The following CNTNAP2 variants were observed in gnomAD, a reference collection of about 807,000 sequenced individuals.
The protein encoded by CNTNAP2 is contactin associated protein 2.
CNTNAP2 carries 98 observed loss-of-function variants against 155.2 expected under a neutral mutation model. The observed-to-expected ratio is 0.63, with a 90% confidence interval of 0.54 to 0.75. The LOEUF (loss-of-function observed/expected upper bound fraction) is 0.75, where lower values mean the gene tolerates loss of function less well. Among genes scored for constraint, CNTNAP2 ranks in the 30% least tolerant of loss-of-function variants. The probability of loss-of-function intolerance (pLI) is 0.00; values close to 1 mark genes in which losing one functional copy is unlikely to be tolerated. For synonymous variants in CNTNAP2, 651 were observed against 631.2 expected, an observed-to-expected ratio of 1.03 and a Z score of -0.47; for missense variants, 1,727 against 1,688.1, an observed-to-expected ratio of 1.02 and a Z score of -0.40.
At chr7:147,610,547 A>G (rs1047514045) in intron 12 of CNTNAP2, among the ~76,000 whole-genome samples, 1 of 152,150 alleles carries the variant, frequency 6.6e-6, no homozygotes, top group African/African-American at 2.4e-5. Context: ...AGTTCCCTCA[A>G]AGGTAAAATG....
chr7:147,793,448 TC>T (rs1319292824), intron 13 of CNTNAP2, among the ~76,000 whole-genome samples: 1 of 152,090 alleles, frequency 6.6e-6, no homozygotes, highest in Non-Finnish European at 1.5e-5. Context: ...TACTGCTTTT[TC>T]CCCATTGAAT....
intron 3 of CNTNAP2, among the ~76,000 whole-genome samples, chr7:146,924,283 T>C (rs1233936989): frequency 6.6e-6 from 1 of 152,160 alleles, no homozygotes; most frequent in African/African-American, 2.4e-5. Flanking sequence ...AAGTTGATCC[T>C]GGTGTCTAGA....
intron 3 of CNTNAP2, among the ~76,000 whole-genome samples, chr7:146,973,149 C>A (rs1488958756): frequency 6.6e-6 from 1 of 152,118 alleles, no homozygotes; most frequent in Non-Finnish European, 1.5e-5. Context: ...CTGCCTCCGC[C>A]TCCTTAGTAG....
chr7:147,008,722 C>A (rs895224851), intron 3 of CNTNAP2, among the ~76,000 whole-genome samples: 1 of 152,036 alleles, frequency 6.6e-6, no homozygotes, highest in South Asian at 2.1e-4. Flanking sequence ...TGAACCTCTG[C>A]GGCCAGCAAA....
intron 13 of CNTNAP2, among the ~76,000 whole-genome samples, chr7:147,749,606 A>G (rs542325216): frequency 2.1e-4 from 32 of 152,256 alleles, no homozygotes; most frequent in Admixed American, 3.3e-4. Flanking sequence ...CAGCTATTAT[A>G]TTGTGAGATA....
intron 13 of CNTNAP2, among the ~76,000 whole-genome samples, chr7:147,812,023 C>T (rs750742593): frequency 1.4e-4 from 21 of 152,044 alleles, no homozygotes; most frequent in Non-Finnish European, 2.1e-4. Context: ...ATGTTAGGGG[C>T]GAAGGAGCCT....
intron 13 of CNTNAP2, among the ~76,000 whole-genome samples, chr7:147,903,203 G>A (rs1262184769): frequency 6.6e-6 from 1 of 152,100 alleles, no homozygotes; most frequent in Non-Finnish European, 1.5e-5. Context: ...TTTTGGTTTT[G>A]ATTTGCATTT....
intron 12 of CNTNAP2, among the ~76,000 whole-genome samples, chr7:147,621,811 A>G (rs752685990): frequency 7.2e-5 from 11 of 152,044 alleles, no homozygotes; most frequent in Admixed American, 2.0e-4. Context: ...AATGAACTAA[A>G]CTCTGCAAAC....
chr7:147,687,079 A>C (rs779554046), intron 13 of CNTNAP2, among the ~76,000 whole-genome samples: 1 of 152,104 alleles, frequency 6.6e-6, no homozygotes, highest in Non-Finnish European at 1.5e-5. Flanking sequence ...GATTAACCTG[A>C]TTTGACCTTT....
In CNTNAP2 at chr7:147,102,488, C is replaced by A. The variant is rs1464840882; in HGVS notation, c.551-5659C>A. ...TGGTATGCAGAAATGAAATCAGAGTCCTTTGATATTGTTGTCACTGTCCTA... is the reference window on the plus strand; with the variant it reads ...TGGTATGCAGAAATGAAATCAGAGTACTTTGATATTGTTGTCACTGTCCTA... On this transcript the variant is annotated intron_variant, in intron 4 of 23. Transcript: ENST00000361727. 3.3e-5 allele frequency among the ~76,000 whole-genome samples: 5 copies of A among 152,050 alleles called. 1 individual carries two copies. The South Asian group carries it at 8.3e-4, about 25-fold the overall frequency.
chr7:147,520,555 C>T (rs186358540), intron 11 of CNTNAP2, among the ~76,000 whole-genome samples: 1 of 152,282 alleles, frequency 6.6e-6, no homozygotes, highest in Admixed American at 6.5e-5. Flanking sequence ...TTCTGAGACA[C>T]AGGTACTCAT....
intron 18 of CNTNAP2, among the ~76,000 whole-genome samples, chr7:148,179,271 G>A (rs1794994079): frequency 6.6e-6 from 1 of 152,142 alleles, no homozygotes; most frequent in East Asian, 1.9e-4. Context: ...CACTCTGAGA[G>A]GCCAAGGTGG....
At chr7:147,157,862 T>G (rs1186202738) in intron 8 of CNTNAP2, among the ~76,000 whole-genome samples, 1 of 152,136 alleles carries the variant, frequency 6.6e-6, no homozygotes, top group Non-Finnish European at 1.5e-5. Flanking sequence ...AATAAATTAT[T>G]AAACTTTAAT....
At chr7:147,621,093 G>A (rs6955567) in intron 12 of CNTNAP2, among the ~76,000 whole-genome samples, 29,914 of 151,910 alleles carry the variant, frequency 0.2, 3,121 homozygotes, top group Middle Eastern at 0.24. Flanking sequence ...TTACGGTGCT[G>A]AAAGAAAAAA....
intron 16 of CNTNAP2, among the ~76,000 whole-genome samples, chr7:148,119,105 T>TTGGCTGTGAGAGTCAGGGAGACTCCAC (rs1490591034): frequency 1.3e-5 from 2 of 152,162 alleles, no homozygotes; most frequent in Non-Finnish European, 2.9e-5. Flanking sequence ...TTGAACTCCG[T>TTGGCTGTGAGAGTCAGGGAGACTCCAC]TGGCTGTGAG....
At chr7:147,384,214 A>G (rs1354025445) in intron 9 of CNTNAP2, among the ~76,000 whole-genome samples, 5 of 152,244 alleles carry the variant, frequency 3.3e-5, no homozygotes, top group African/African-American at 9.6e-5. Flanking sequence ...TAGCCACACA[A>G]TAACATGGCA....
intron 8 of CNTNAP2, among the ~76,000 whole-genome samples, chr7:147,252,858 C>A (rs73742508): frequency 0.12 from 18,001 of 152,156 alleles, 1,152 homozygotes; most frequent in Middle Eastern, 0.15. Context: ...AGATGATAAA[C>A]CTGAGACACT....
At position 147,522,778 on chromosome 7, in the gene CNTNAP2, A is replaced by T. The variant is rs568205728; in HGVS notation, c.1777+36737A>T. ...AATTTTCTGGCCCAGCAAAAAAAAA[A>T]CAAAAAAACAAAAAAAAAAAAACCT... On this transcript the variant is annotated intron_variant, in intron 11 of 23. Coordinates refer to ENST00000361727, the MANE Select transcript of CNTNAP2 (RefSeq NM_014141.6). 2.0e-5 allele frequency among the ~76,000 whole-genome samples: 3 copies of T among 150,446 alleles called. No homozygotes were observed. In the South Asian group the frequency reaches 6.3e-4, roughly 31 times the overall value.
intron 3 of CNTNAP2, among the ~76,000 whole-genome samples, chr7:146,954,206 G>C (rs186470820): frequency 5.2e-4 from 79 of 151,998 alleles, no homozygotes; most frequent in African/African-American, 1.9e-3. Context: ...TTCTCCTAGT[G>C]TTTAATAAAA....
Sources: allele counts gnomAD v4.1 joint callset (sites outside exome capture counted in the v4.1 genomes callset), GRCh38; gene constraint gnomAD v4.1.1; transcripts MANE v1.5; gene names NCBI Gene and HGNC (gene_info 2026-07-23, HGNC 2026-07-21).